ADAM19: variants seen among roughly 807,000 people sequenced by gnomAD.
The protein encoded by ADAM19 is disintegrin and metalloproteinase domain-containing protein 19.
ADAM19 carries 65 observed loss-of-function variants against 114.7 expected under a neutral mutation model. The observed-to-expected ratio is 0.57, with a 90% CI of 0.46 to 0.70. The LOEUF (loss-of-function observed/expected upper bound fraction) is 0.70, where lower values mean the gene tolerates loss of function less well. Ranked by LOEUF, ADAM19 falls within the 30% of genes least tolerant of loss-of-function variation. The pLI, the probability that ADAM19 is intolerant of heterozygous loss-of-function variation, is 0.00. For missense variants in ADAM19, 1,063 were observed against 1,204.7 expected (o/e 0.88, Z 1.74); for synonymous variants, 466 against 460.5 (o/e 1.01, Z -0.15).
chr5:157,480,048 G>A lies in ADAM19; in HGVS notation c.*901C>T, dbSNP rs1273544063. On this transcript the variant is annotated 3_prime_UTR_variant, in exon 23 of 23. Transcript: ENST00000257527. ...GTGGCCGACTGTGAGAGAGGACTCT[G>A]ACTTGTAGGTCACAAGCACCTGGTC... The A allele has an allele frequency of 1.0e-6, 1 of 985,876 alleles. No individual in the cohort carries two copies. The highest frequency in any genetic ancestry group is 1.2e-6 in the Non-Finnish European group (1 of 830,058). The allele number at this position is 985,876 out of a possible 1,614,324, so 61.1% of individuals were successfully genotyped here.
intron 11 of ADAM19, among the ~76,000 whole-genome samples, chr5:157,503,290 A>T (rs1755627356): frequency 6.6e-6 from 1 of 152,184 alleles, no homozygotes; most frequent in Admixed American, 6.5e-5. Context: ...GGAACTGAAC[A>T]ATGAGAACAC....
At position 157,537,897 on chromosome 5, in the gene ADAM19, G is replaced by T. The variant is rs1405315279; in HGVS notation, c.330+16C>A. ...GAGGACAGCTGCTGGATAGACATTT[G>T]TTGACCTGAACTCACCTCCAATTTC... is the stretch of plus-strand genomic sequence containing the variant. On this transcript the variant is annotated intron_variant, in intron 4 of 22. Transcript: ENST00000257527. 6.2e-7 allele frequency: 1 copy of T among 1,608,160 alleles called. No individual in the cohort carries two copies. The highest frequency in any genetic ancestry group is 8.5e-7 in the Non-Finnish European group (1 of 1,174,724).
chr5:157,564,803 G>A (rs780468208), intron 2 of ADAM19, among the ~76,000 whole-genome samples: 52 of 152,132 alleles, frequency 3.4e-4, no homozygotes, highest in Non-Finnish European at 6.6e-4. Flanking sequence ...GTGTGAAGTC[G>A]GACATGTTGC....
At chr5:157,485,091 T>C (rs376582398) in intron 21 of ADAM19, among the ~76,000 whole-genome samples, 25 of 152,354 alleles carry the variant, frequency 1.6e-4, no homozygotes, top group African/African-American at 5.8e-4. Flanking sequence ...TGCACAAGCC[T>C]GACACGGGGC....
chr5:157,553,918 C>T (rs1053199356), intron 3 of ADAM19, among the ~76,000 whole-genome samples: 1 of 152,096 alleles, frequency 6.6e-6, no homozygotes, highest in Non-Finnish European at 1.5e-5. Flanking sequence ...AACTCTATAA[C>T]TTGTTTAATT....
At chr5:157,506,288 C>A (rs930999718) in intron 10 of ADAM19, among the ~76,000 whole-genome samples, 2 of 152,086 alleles carry the variant, frequency 1.3e-5, no homozygotes, top group African/African-American at 4.8e-5. Context: ...CTAAAGAAAT[C>A]AAGAGGAAAA....
At chr5:157,520,936 A>G (rs1756268946) in intron 5 of ADAM19, among the ~76,000 whole-genome samples, 1 of 152,222 alleles carries the variant, frequency 6.6e-6, no homozygotes, top group African/African-American at 2.4e-5. Context: ...ACAAACATTT[A>G]CTGGGCTCCT....
intron 4 of ADAM19, among the ~76,000 whole-genome samples, chr5:157,536,772 G>C (rs1286325640): frequency 6.6e-6 from 1 of 152,178 alleles, no homozygotes; most frequent in Non-Finnish European, 1.5e-5. Context: ...ATATTTTAAA[G>C]AATGGGCCTG....
chr5:157,508,883 G>A (rs916167619), intron 9 of ADAM19, among the ~76,000 whole-genome samples: 1 of 152,202 alleles, frequency 6.6e-6, no homozygotes, highest in Non-Finnish European at 1.5e-5. Flanking sequence ...ACCAAGTGAA[G>A]GACAACACAA....
chr5:157,489,673 A>G (rs1172620540), intron 19 of ADAM19, among the ~76,000 whole-genome samples: 2 of 152,224 alleles, frequency 1.3e-5, no homozygotes, highest in African/African-American at 4.8e-5. Context: ...AACAAACTTT[A>G]AAGCAACAGT....
intron 3 of ADAM19, among the ~76,000 whole-genome samples, chr5:157,555,680 T>C (rs548324588): frequency 3.5e-4 from 53 of 152,350 alleles, no homozygotes; most frequent in Non-Finnish European, 6.5e-4. Context: ...TGTGTGTGTG[T>C]TTCCTGGGGC....
chr5:157,565,000 T>C (rs1757617025), intron 2 of ADAM19, among the ~76,000 whole-genome samples: 1 of 152,214 alleles, frequency 6.6e-6, no homozygotes, highest in South Asian at 2.1e-4. Context: ...CTCTTCGTAG[T>C]GGGTTCTTAT....
chr5:157,540,106 A>G (rs1378372375), intron 3 of ADAM19, among the ~76,000 whole-genome samples: 1 of 152,236 alleles, frequency 6.6e-6, no homozygotes, highest in East Asian at 1.9e-4. Flanking sequence ...AAACAACATA[A>G]TAAATGTAGC....
In ADAM19 at chr5:157,499,613, C is replaced by A. The variant is rs1755486348; in HGVS notation, c.1358G>T (p.Gly453Val). 2 of 1,613,514 alleles carry A rather than the reference C, an allele frequency of 1.2e-6. No homozygotes were observed. Among genetic ancestry groups the A allele is most frequent in the East Asian group, 4.5e-5 (2 of 44,858 alleles). Residue 453 changes from glycine to valine, a missense_variant, in exon 13 of 23, where the codon GGG becomes GTG. Gly to Val is a moderately radical substitution (Grantham distance 109). Around this residue, in one of 3 missense-constraint regions of ADAM19, gnomAD observed 615 missense variants for 706.3 expected, o/e 0.87. Coordinates refer to ENST00000257527, the MANE Select transcript of ADAM19 (RefSeq NM_033274.5). ...GCAGGAGCCGTGAGCACACTCCGCC[C>A]CCGGCCTCAGGGTACAATTAGAGGC... ...CNASNCTLRP[G>V]AECAHGSCCH...
chr5:157,511,597 C>G (rs1317229921), intron 8 of ADAM19, among the ~76,000 whole-genome samples: 2 of 152,162 alleles, frequency 1.3e-5, no homozygotes, highest in Admixed American at 6.5e-5. Context: ...ATAAAAGGTT[C>G]AGATTCCAAT....
chr5:157,499,476 G>A, intron 13 of ADAM19, 97 bp downstream of exon 13: 3 of 1,054,412 alleles, frequency 2.8e-6, no homozygotes, highest in Non-Finnish European at 4.3e-6. Context: ...CACAGCCCCA[G>A]GATGGAGGCA....
chr5:157,492,835 C>A (rs551629146), intron 16 of ADAM19, 138 bp downstream of exon 16: 2 of 846,634 alleles, frequency 2.4e-6, no homozygotes, highest in East Asian at 2.5e-5. Context: ...TGTCACTATA[C>A]ACGCTTCATG....
At chr5:157,536,247 G>A (rs181467989) in intron 4 of ADAM19, among the ~76,000 whole-genome samples, 235 of 152,256 alleles carry the variant, frequency 1.5e-3, no homozygotes, top group African/African-American at 5.1e-3. Context: ...TAATCTCAGC[G>A]CTTTGGGAGG....
At position 157,518,857 on chromosome 5, in the gene ADAM19, T is replaced by G. The variant is rs1454141330; in HGVS notation, c.632A>C (p.Tyr211Ser). 1 of 1,614,082 alleles carries G rather than the reference T, an allele frequency of 6.2e-7. No homozygotes were observed. ...MKREDLNSMKYVELYLVADYL... is the reference protein window; with the variant it reads ...MKREDLNSMKSVELYLVADYL... ...ATCAGCCACGAGGTAAAGCTCCACA[T>G]ACTTCATGGAGTTTAAATCTTCCCT... Residue 211 changes from tyrosine (Y) to serine (S), a missense_variant, in exon 7 of 23, where the codon TAT (tyrosine) becomes TCT (serine). Coordinates refer to ENST00000257527, the MANE Select transcript of ADAM19 (RefSeq NM_033274.5).
Sources: gnomAD v4.1 joint callset for allele counts (sites outside exome capture counted in the v4.1 genomes callset) on GRCh38, gnomAD v4.1.1 for gene constraint, gnomAD v4.1.1 regional missense constraint, MANE v1.5 for transcripts, NCBI Gene and HGNC (gene_info 2026-07-23, HGNC 2026-07-21) for gene names.